The following DGKD variants were observed in gnomAD, a reference collection of about 807,000 sequenced individuals.
The protein encoded by DGKD is diacylglycerol kinase delta.
Under a neutral mutation model 154.4 loss-of-function variants are expected in DGKD, and 68 were observed. That is an observed-to-expected ratio of 0.44 (90% CI 0.36 to 0.54). The LOEUF is 0.54. Among genes scored for constraint, DGKD ranks in the 20% least tolerant of loss-of-function variants. The pLI, the probability that DGKD is intolerant of heterozygous loss-of-function variation, is 0.00. For missense variants in DGKD, 1,343 were observed against 1,593.6 expected (o/e 0.84, Z 2.68); for synonymous variants, 693 against 638.0 (o/e 1.09, Z -1.30).
chr2:233,424,316 T>G (rs1299165840), intron 3 of DGKD, among the ~76,000 whole-genome samples: 1 of 152,234 alleles, frequency 6.6e-6, no homozygotes, highest in African/African-American at 2.4e-5. Context: ...GGACAGGACA[T>G]AGCCATTTGG....
intron 7 of DGKD, among the ~76,000 whole-genome samples, 196 bp from the exon 8 acceptor site, chr2:233,437,181 T>C (rs568060034): frequency 1.1e-4 from 17 of 152,178 alleles, no homozygotes; most frequent in Non-Finnish European, 1.9e-4. Context: ...GTGTTATGCC[T>C]TCTCAAGTGC....
rs958203592 is a variant in DGKD at position 233,460,447 on chromosome 2, T to C, written c.2981+102T>C. On this transcript the variant is annotated intron_variant, in intron 24 of 29. Coordinates refer to ENST00000264057, the MANE Select transcript of DGKD (RefSeq NM_152879.3). Reference sequence around the variant, plus strand: ...GGCGTGGAGCTGCTGCTCCTGACTTTTGTGGGGTCTGCATTACCCATGAGG... The same window carrying C: ...GGCGTGGAGCTGCTGCTCCTGACTTCTGTGGGGTCTGCATTACCCATGAGG... 3.9e-5 allele frequency: 57 copies of C among 1,455,608 alleles called. No individual in the cohort carries two copies. In the African/African-American group the frequency reaches 5.7e-4, roughly 14 times the overall value. The allele number at this position is 1,455,608 out of a possible 1,614,324, so 90.2% of individuals were successfully genotyped here. A position where few individuals can be genotyped will look rare whatever the true frequency, so the allele number is the denominator to read the frequency against.
intron 1 of DGKD, among the ~76,000 whole-genome samples, chr2:233,365,081 A>G (rs1301819968): frequency 3.9e-5 from 6 of 152,256 alleles, no homozygotes; most frequent in African/African-American, 7.2e-5. Flanking sequence ...TAATGACTTC[A>G]AAATATATAG....
intron 3 of DGKD, among the ~76,000 whole-genome samples, chr2:233,430,313 G>T (rs1044333596): frequency 1.5e-4 from 23 of 152,306 alleles, no homozygotes; most frequent in African/African-American, 5.3e-4. Flanking sequence ...AATCGCAGAA[G>T]AATTTTAAAC....
At chr2:233,443,917 C>T (rs1363304463) in intron 10 of DGKD, among the ~76,000 whole-genome samples, 5 of 152,212 alleles carry the variant, frequency 3.3e-5, no homozygotes, top group Admixed American at 6.5e-5. Context: ...CGCTGGGCCC[C>T]TGCCGCCTCG....
At position 233,459,754 on chromosome 2, in the gene DGKD, C is replaced by A; in HGVS notation, c.2695-3C>A. 1 of 1,613,272 alleles carries A rather than the reference C, an allele frequency of 6.2e-7. No individual in the cohort carries two copies. Among genetic ancestry groups the A allele is most frequent in the African/African-American group, 1.3e-5 (1 of 75,024 alleles). On this transcript the variant is annotated splice_region_variant and splice_polypyrimidine_tract_variant and intron_variant, in intron 22 of 29. Transcript: ENST00000264057. The surrounding 1 kb of genome is among the most constrained non-coding windows in gnomAD (Gnocchi z 5.7). Reference sequence around the variant, plus strand: ...ATGAGTAATGGCTATGATGTCTGCTCAGTGTCGCACGGTGAAGATCTCCAT... The same window carrying A: ...ATGAGTAATGGCTATGATGTCTGCTAAGTGTCGCACGGTGAAGATCTCCAT...
At chr2:233,417,861 G>A (rs1425908164) in intron 3 of DGKD, among the ~76,000 whole-genome samples, 1 of 152,174 alleles carries the variant, frequency 6.6e-6, no homozygotes, top group African/African-American at 2.4e-5. Context: ...GGTACGTGCT[G>A]CTGACACCTA....
At chr2:233,468,601 AGCTCC>A (rs2063901657) in intron 29 of DGKD, 48 bp downstream of exon 29, 4 of 1,608,520 alleles carry the variant, frequency 2.5e-6, no homozygotes, top group Non-Finnish European at 3.4e-6. Context: ...GCTTGCACGC[AGCTCC>A]CTTCTCTTCC....
chr2:233,439,621 G>T (rs761737672), intron 9 of DGKD, among the ~76,000 whole-genome samples: 1 of 152,134 alleles, frequency 6.6e-6, no homozygotes, highest in Non-Finnish European at 1.5e-5. Flanking sequence ...GAGTACACTG[G>T]TGCAATCCTG....
intron 3 of DGKD, among the ~76,000 whole-genome samples, chr2:233,408,104 G>A (rs2061731464): frequency 6.9e-6 from 1 of 145,586 alleles, no homozygotes; most frequent in Non-Finnish European, 1.5e-5. Flanking sequence ...GTGCCGTGCT[G>A]CGCTCTCAGC....
Position 233,441,176 on chromosome 2 carries a change from G to A in DGKD, c.1086-711G>A, listed in dbSNP as rs551001287. 6.6e-6 allele frequency among the ~76,000 whole-genome samples: 1 copy of A among 152,170 alleles called. No homozygotes were observed. Among genetic ancestry groups the A allele is most frequent in the Non-Finnish European group, 1.5e-5 (1 of 68,014 alleles). The stretch of plus-strand genomic sequence containing the variant: ...AAGAGGATGAGGAGTGAGCAGAAGC[G>A]GCACTGGTCTCCTGAGTGGGGACGC... On this transcript the variant is annotated intron_variant, in intron 9 of 29. Transcript: ENST00000264057. This position sits in a 1 kb window ranked among gnomAD's most constrained non-coding sequence, Gnocchi z 5.6.
Position 233,449,944 on chromosome 2 carries a change from C to T in DGKD, c.1889-38C>T, listed in dbSNP as rs774370623. 30 of 1,535,882 alleles carry T rather than the reference C, an allele frequency of 2.0e-5. No homozygotes were observed. The East Asian group carries it at 6.5e-4, about 33-fold the overall frequency. On this transcript the variant is annotated intron_variant, in intron 15 of 29. Transcript: ENST00000264057. The surrounding 1 kb of genome is among the most constrained non-coding windows in gnomAD (Gnocchi z 5.3). Reference sequence around the variant, plus strand: ...CAGCCTGACAGCGCCCTTGGCTTTGCACCCGCGTGCTCAGCCGCACACACT... The same window carrying T: ...CAGCCTGACAGCGCCCTTGGCTTTGTACCCGCGTGCTCAGCCGCACACACT...
chr2:233,360,627 G>A (rs911648339), intron 1 of DGKD, among the ~76,000 whole-genome samples: 3 of 152,162 alleles, frequency 2.0e-5, no homozygotes, highest in African/African-American at 7.2e-5. Flanking sequence ...GGGCTCAAGT[G>A]ATCCTCCTGC....
At chr2:233,408,683 C>T (rs1223169052) in intron 3 of DGKD, among the ~76,000 whole-genome samples, 4 of 152,228 alleles carry the variant, frequency 2.6e-5, no homozygotes, top group Non-Finnish European at 5.9e-5. Context: ...CCTAGCACAG[C>T]AATGGTGGGG....
chr2:233,388,737 G>GTTT (rs1703366874), intron 2 of DGKD: 2 of 123,404 alleles, frequency 1.6e-5, no homozygotes, highest in Admixed American at 9.5e-5. Flanking sequence ...GTATATTGAA[G>GTTT]TTCTTTTTTT....
intron 1 of DGKD, among the ~76,000 whole-genome samples, chr2:233,355,618 C>G (rs1161535001): frequency 1.3e-5 from 2 of 152,214 alleles, no homozygotes; most frequent in South Asian, 2.1e-4. Context: ...GCCTTTGATA[C>G]CTGCGATGGG....
chr2:233,434,109 G>A (rs569907243), intron 3 of DGKD, among the ~76,000 whole-genome samples: 3 of 152,302 alleles, frequency 2.0e-5, no homozygotes, highest in African/African-American at 7.2e-5. Flanking sequence ...GTTTACTACT[G>A]TGTCTAAGTA....
At chr2:233,398,839 G>A (rs1476457922) in intron 3 of DGKD, among the ~76,000 whole-genome samples, 2 of 152,014 alleles carry the variant, frequency 1.3e-5, no homozygotes, top group Non-Finnish European at 2.9e-5. Context: ...GGCCAGGCTG[G>A]TCTTGAACTC....
intron 3 of DGKD, among the ~76,000 whole-genome samples, chr2:233,405,355 C>A (rs182863381): frequency 1.2e-3 from 188 of 152,230 alleles, no homozygotes; most frequent in African/African-American, 4.4e-3. Flanking sequence ...CCTGTCTCTA[C>A]TAAAAATACA....
Sources: gnomAD v4.1 joint callset for allele counts (sites outside exome capture counted in the v4.1 genomes callset) on GRCh38, gnomAD v4.1.1 for gene constraint, Gnocchi (gnomAD v3.1) non-coding constraint, MANE v1.5 for transcripts, NCBI Gene and HGNC (gene_info 2026-07-23, HGNC 2026-07-21) for gene names.